Variants in TGFBR3 observed in about 807,000 individuals in gnomAD.
TGFBR3 encodes transforming growth factor beta receptor type 3.
TGFBR3 carries 46 observed loss-of-function variants against 87.9 expected under a neutral mutation model. The observed-to-expected ratio is 0.52, with a 90% CI of 0.41 to 0.67. The LOEUF (loss-of-function observed/expected upper bound fraction) is 0.67, where lower values mean the gene tolerates loss of function less well. Ranked by LOEUF, TGFBR3 falls within the 30% of genes least tolerant of loss-of-function variation. The pLI is 0.00. For missense variants in TGFBR3, 866 were observed against 1,041.9 expected, an observed-to-expected ratio of 0.83 and a Z score of 2.32; for synonymous variants, 381 against 391.6, an observed-to-expected ratio of 0.97 and a Z score of 0.32.
chr1:91,727,952 C>T, intron 6 of TGFBR3, 146 bp from the exon 7 acceptor site: 1 of 841,266 alleles, frequency 1.2e-6, no homozygotes, highest in Non-Finnish European at 1.9e-6. Flanking sequence ...ATGTGCAAAA[C>T]AGATTGTTAC....
chr1:91,749,584 A>C (rs1210464163), intron 4 of TGFBR3, among the ~76,000 whole-genome samples: 1 of 152,208 alleles, frequency 6.6e-6, no homozygotes. Context: ...CTCGAGGTGC[A>C]AGAACCAATT....
rs541063819 is a variant in TGFBR3 at position 91,778,971 on chromosome 1, C to A, written c.246+18316G>T. Among the ~76,000 whole-genome samples the A allele has an allele frequency of 9.2e-5, 14 of 152,136 alleles. No homozygotes were observed. The South Asian group carries it at 1.0e-3, about 11-fold the overall frequency. ...TGGGTGAAGGCAGCCACATGAGTAA[C>A]TGGGAGAAGTACTTCAGGCAAAACA... On this transcript the variant is annotated intron_variant, in intron 3 of 16. Coordinates refer to ENST00000212355, the MANE Select transcript of TGFBR3 (RefSeq NM_003243.5).
intron 2 of TGFBR3, among the ~76,000 whole-genome samples, chr1:91,853,354 A>G (rs1677818308): frequency 6.7e-6 from 1 of 149,594 alleles, no homozygotes; most frequent in Non-Finnish European, 1.5e-5. Context: ...TCCATCTTCT[A>G]TCCTTACATT....
Position 91,883,799 on chromosome 1 carries a change from C to A in TGFBR3, c.-114+2079G>T, listed in dbSNP as rs2799513. 5.7e-3 allele frequency among the ~76,000 whole-genome samples: 853 copies of A among 150,494 alleles called. 5 individuals carry two copies. Among genetic ancestry groups the A allele is most frequent in the African/African-American group, 0.02 (819 of 41,106 alleles). On this transcript the variant is annotated intron_variant, in intron 1 of 16. Transcript: ENST00000212355. The stretch of plus-strand genomic sequence containing the variant: ...GGGCCAAAAAAAAAAAACGCTCAAG[C>A]CTTGAAACACTAAACAATGCAGAAA...
intron 1 of TGFBR3, among the ~76,000 whole-genome samples, chr1:91,881,414 C>T (rs370196750): frequency 6.6e-6 from 1 of 152,138 alleles, no homozygotes; most frequent in Admixed American, 6.5e-5. Context: ...TTCAAGCCAA[C>T]GAAAGGCTTT....
At chr1:91,788,686 CG>C (rs1245051251) in intron 3 of TGFBR3, among the ~76,000 whole-genome samples, 2 of 152,202 alleles carry the variant, frequency 1.3e-5, no homozygotes, top group East Asian at 3.9e-4. Context: ...AAACTGGAGA[CG>C]CTGCACACGC....
At chr1:91,735,750 T>A (rs1272003033) in intron 4 of TGFBR3, among the ~76,000 whole-genome samples, 1 of 152,194 alleles carries the variant, frequency 6.6e-6, no homozygotes, top group African/African-American at 2.4e-5. Flanking sequence ...AAAATCATCA[T>A]CTTGTTGCTG....
chr1:91,767,972 G>T (rs995874626), intron 3 of TGFBR3, among the ~76,000 whole-genome samples: 4 of 152,050 alleles, frequency 2.6e-5, no homozygotes, highest in African/African-American at 9.7e-5. Flanking sequence ...CAGCACTTTG[G>T]GAGGCCAAGG....
At position 91,729,946 on chromosome 1, in the gene TGFBR3, A is replaced by G. The variant is rs906324190; in HGVS notation, c.596T>C (p.Ile199Thr). ...ATTGAGTGAGAGAAAATTCTTCCCT[A>G]TGTTGCACTTTGGAGGGAACACTTG... ...EDQVFPPKCN[I>T]GKNFLSLNYL... Residue 199 changes from isoleucine (I) to threonine (T), a missense_variant, in exon 6 of 17, where the codon ATA becomes ACA. Transcript: ENST00000212355. 1.2e-6 allele frequency: 2 copies of G among 1,614,050 alleles called. No individual in the cohort carries two copies. Among genetic ancestry groups the G allele is most frequent in the African/African-American group, 1.3e-5 (1 of 74,918 alleles).
intron 4 of TGFBR3, among the ~76,000 whole-genome samples, chr1:91,748,973 G>C (rs1673441323): frequency 6.6e-6 from 1 of 152,078 alleles, no homozygotes; most frequent in South Asian, 2.1e-4. Flanking sequence ...AGAAGTGCTT[G>C]TTAAACATAC....
chr1:91,787,345 A>T (rs762342980), intron 3 of TGFBR3, among the ~76,000 whole-genome samples: 4 of 151,994 alleles, frequency 2.6e-5, no homozygotes, highest in Non-Finnish European at 5.9e-5. Flanking sequence ...TAACATCTCC[A>T]TTTTACAGAT....
chr1:91,860,716 G>A (rs1234470861), intron 2 of TGFBR3, among the ~76,000 whole-genome samples: 1 of 152,022 alleles, frequency 6.6e-6, no homozygotes, highest in East Asian at 1.9e-4. Context: ...CGGATCACCT[G>A]AGGTCAGGAG....
intron 4 of TGFBR3, among the ~76,000 whole-genome samples, chr1:91,750,132 G>A (rs1029074224): frequency 5.3e-5 from 8 of 152,168 alleles, no homozygotes; most frequent in Non-Finnish European, 1.0e-4. Context: ...CAGACATGAC[G>A]CAAGTCCAGC....
At chr1:91,847,006 C>T (rs1246577025) in intron 2 of TGFBR3, among the ~76,000 whole-genome samples, 1 of 152,178 alleles carries the variant, frequency 6.6e-6, no homozygotes, top group Non-Finnish European at 1.5e-5. Context: ...ATGACCACCA[C>T]CTGAGTCTTG....
chr1:91,789,611 G>C (rs1016267234), intron 3 of TGFBR3, among the ~76,000 whole-genome samples: 3 of 152,178 alleles, frequency 2.0e-5, no homozygotes, highest in Non-Finnish European at 2.9e-5. Flanking sequence ...CTAAACCCCG[G>C]TGTTTGCTAT....
chr1:91,805,219 G>T (rs1304581269), intron 2 of TGFBR3, among the ~76,000 whole-genome samples: 1 of 152,170 alleles, frequency 6.6e-6, no homozygotes, highest in African/African-American at 2.4e-5. Context: ...TCCCAATCTG[G>T]ATATTTCAGT....
rs1332348921 is a variant in TGFBR3, at chr1:91,681,389, T to C, written c.*2350A>G. ...GAGACCCAAACAAATAAAAGGTGAT[T>C]TTTTTCCTCTCTCTCTCTTTTAAAA... On this transcript the variant is annotated 3_prime_UTR_variant, in exon 17 of 17. Transcript: ENST00000212355. 1 of 405,750 alleles carries C rather than the reference T, an allele frequency of 2.5e-6. No homozygotes were observed. The highest frequency in any genetic ancestry group is 4.8e-6 in the Non-Finnish European group (1 of 209,744). 25.1% of individuals were successfully genotyped at this position (405,750 alleles called of 1,614,324 possible).
At chr1:91,808,273 T>G (rs1306512798) in intron 2 of TGFBR3, among the ~76,000 whole-genome samples, 1 of 152,136 alleles carries the variant, frequency 6.6e-6, no homozygotes, top group African/African-American at 2.4e-5. Flanking sequence ...TTAAAAAAAT[T>G]TTTTTAATTA....
intron 2 of TGFBR3, among the ~76,000 whole-genome samples, chr1:91,860,268 C>A (rs1464806680): frequency 6.6e-6 from 1 of 152,120 alleles, no homozygotes; most frequent in Admixed American, 6.5e-5. Flanking sequence ...TTTTTATATT[C>A]TTTAATTGTT....
Sources: gnomAD v4.1 joint callset for allele counts (sites outside exome capture counted in the v4.1 genomes callset) on GRCh38, gnomAD v4.1.1 for gene constraint, MANE v1.5 for transcripts, NCBI Gene and HGNC (gene_info 2026-07-23, HGNC 2026-07-21) for gene names.